The following SMTN variants were observed in gnomAD, a reference collection of about 807,000 sequenced individuals.
SMTN encodes smoothelin.
Under a neutral mutation model 102.0 loss-of-function variants are expected in SMTN, and 58 were observed. The ratio of observed to expected loss-of-function variants is 0.57; its 90% CI spans 0.46 to 0.71. The LOEUF (loss-of-function observed/expected upper bound fraction) is 0.71. Ranked by LOEUF, SMTN falls within the 30% of genes least tolerant of loss-of-function variation. The probability of loss-of-function intolerance (pLI) is 0.00; values close to 1 mark genes in which losing one functional copy is unlikely to be tolerated. For synonymous variants in SMTN, 478 were observed against 497.9 expected (o/e 0.96, Z 0.53); for missense variants, 1,185 against 1,241.7 (o/e 0.95, Z 0.69).
intron 17 of SMTN, 58 bp downstream of exon 17, chr22:31,098,898 CG>C: frequency 6.8e-7 from 1 of 1,478,966 alleles, no homozygotes; most frequent in East Asian, 2.4e-5. Context: ...CAGTGGGGGG[CG>C]GGGCTTGATA....
At chr22:31,065,764 A>G (rs2041834510) in intron 1 of SMTN, 1 of 151,846 alleles carries the variant, frequency 6.6e-6, no homozygotes, top group Non-Finnish European at 1.5e-5. Flanking sequence ...CAGAAAAAGC[A>G]CTGATCTAAG....
At chr22:31,090,087 C>T in intron 7 of SMTN, 21 bp from the exon 8 acceptor site, 1 of 1,611,414 alleles carries the variant, frequency 6.2e-7, no homozygotes, top group Non-Finnish European at 8.5e-7. Flanking sequence ...CTTGCTCAGG[C>T]CCTGTTCTTC....
intron 1 of SMTN, among the ~76,000 whole-genome samples, chr22:31,076,184 T>G (rs28461534): frequency 0.14 from 21,098 of 152,254 alleles, 3,039 homozygotes; most frequent in African/African-American, 0.37. Flanking sequence ...TCTGAGGTTG[T>G]TGCAGAGCAC....
Position 31,081,354 on chromosome 22 carries a change from A to T in SMTN, c.-183A>T, listed in dbSNP as rs1352939634. The T allele has an allele frequency of 6.6e-6, 1 of 152,150 alleles. No homozygotes were observed. The highest frequency in any genetic ancestry group is 1.5e-5 in the Non-Finnish European group (1 of 68,070). 9.4% of individuals were successfully genotyped at this position (152,150 alleles called of 1,614,324 possible). On this transcript the variant is annotated 5_prime_UTR_variant, in exon 1 of 21. Coordinates refer to ENST00000333137, the MANE Select transcript of SMTN (RefSeq NM_134269.3). ...GGGACGGTTGCTGAGCGGGCCTGGG[A>T]CAGCGGGTCGCGGCACCTCCGGCCT...
At chr22:31,066,400 C>A (rs1336027068) in intron 1 of SMTN, 1 of 152,046 alleles carries the variant, frequency 6.6e-6, no homozygotes, top group African/African-American at 2.4e-5. Context: ...CTCTACCTCC[C>A]AGATTCAAGC....
chr22:31,072,661 C>T (rs2042031952), intron 1 of SMTN, among the ~76,000 whole-genome samples: 1 of 152,156 alleles, frequency 6.6e-6, no homozygotes, highest in Admixed American at 6.5e-5. Flanking sequence ...AGGGTTTCAC[C>T]ATCTTGGCCA....
Position 31,104,391 on chromosome 22 carries a change from T to C in SMTN, c.*96T>C, listed in dbSNP as rs1310867357. Reference sequence around the variant, plus strand: ...TGGGCAAGAAGCCTGACCCCAAGTGTGTCTTCACCTATGTGCAGTCGCTCT... The same window carrying C: ...TGGGCAAGAAGCCTGACCCCAAGTGCGTCTTCACCTATGTGCAGTCGCTCT... On this transcript the variant is annotated 3_prime_UTR_variant, in exon 21 of 21. Transcript: ENST00000333137. 1.2e-6 allele frequency: 2 copies of C among 1,614,014 alleles called. No individual in the cohort carries two copies. Among genetic ancestry groups the C allele is most frequent in the Admixed American group, 1.7e-5 (1 of 60,010 alleles).
At chr22:31,078,100 G>GGAGA (rs2042174381), upstream of SMTN, among the ~76,000 whole-genome samples, 1 of 152,166 alleles carries the variant, frequency 6.6e-6, no homozygotes, top group Admixed American at 6.5e-5. Flanking sequence ...GCTGTCCTGG[G>GGAGA]GAGAGAGGCT....
In SMTN at chr22:31,089,717, C is replaced by G; in HGVS notation, c.490C>G (p.Gln164Glu). ...CTTACAGGTGCCAGAGCGAGAGGAA[C>G]AGGAACAGCAGGCAGAGGTTTCAAA... is the stretch of plus-strand genomic sequence containing the variant. The part of the protein sequence containing the change: ...EQCEVPEREE[Q>E]EQQAEVSKPT... Residue 164 changes from glutamine to glutamate, a missense_variant, in exon 7 of 21, where the codon CAG (glutamine) becomes GAG (glutamate). By Grantham distance (29) the Gln-to-Glu change is conservative. Transcript: ENST00000333137. 6.2e-7 allele frequency: 1 copy of G among 1,602,576 alleles called. No individual in the cohort carries two copies. The highest frequency in any genetic ancestry group is 8.5e-7 in the Non-Finnish European group (1 of 1,178,376).
chr22:31,103,122 C>A (rs566393177), intron 20 of SMTN: 1 of 152,354 alleles, frequency 6.6e-6, no homozygotes, highest in African/African-American at 2.4e-5. Context: ...CAGGTTTCTT[C>A]TCTGAAGGAG....
intron 1 of SMTN, among the ~76,000 whole-genome samples, chr22:31,075,080 C>T (rs1470059996): frequency 5.9e-5 from 9 of 152,240 alleles, no homozygotes; most frequent in African/African-American, 2.2e-4. Context: ...ATGTCCCCAC[C>T]GTACTCAAGT....
intron 1 of SMTN, chr22:31,064,471 A>G (rs1187996819): frequency 6.6e-6 from 1 of 152,132 alleles, no homozygotes; most frequent in Non-Finnish European, 1.5e-5. Context: ...TTAAATATGA[A>G]TGTCTCACTT....
intron 19 of SMTN, 58 bp from the exon 20 acceptor site, chr22:31,100,827 G>A (rs1157736851): frequency 9.0e-6 from 5 of 555,782 alleles, no homozygotes; most frequent in African/African-American, 3.9e-5. Flanking sequence ...TTCCCCACCC[G>A]GGGCCCTGGC....
intron 18 of SMTN, 166 bp downstream of exon 18, chr22:31,099,345 C>T: frequency 6.6e-6 from 4 of 605,024 alleles, no homozygotes; most frequent in Non-Finnish European, 1.2e-5. Context: ...AAAGAGGACA[C>T]AAGGCAAGCC....
intron 1 of SMTN, chr22:31,082,702 C>G (rs1044360601): frequency 9.2e-6 from 6 of 650,218 alleles, no homozygotes; most frequent in Non-Finnish European, 1.7e-5. Flanking sequence ...GGGGGAATGA[C>G]AGTGGTGGTG....
At chr22:31,081,610 T>C (rs1295382074) in intron 1 of SMTN, among the ~76,000 whole-genome samples, 154 bp downstream of exon 1, 2 of 152,088 alleles carry the variant, frequency 1.3e-5, no homozygotes. Context: ...ATGAGACTGT[T>C]GGGGGAAGAC....
intron 1 of SMTN, chr22:31,082,771 G>A: frequency 8.0e-7 from 1 of 1,252,818 alleles, no homozygotes; most frequent in Admixed American, 2.6e-5. Context: ...AGTGGGTGGG[G>A]GCTGGGTAGG....
intron 20 of SMTN, chr22:31,103,531 C>T (rs1258119408): frequency 1.3e-5 from 2 of 152,320 alleles, no homozygotes; most frequent in East Asian, 1.9e-4. Context: ...CTTACTAAGC[C>T]ATGGGGCTTG....
Position 31,104,582 on chromosome 22 carries a change from A to G in SMTN, c.*287A>G. On this transcript the variant is annotated 3_prime_UTR_variant, in exon 21 of 21. Coordinates refer to ENST00000333137, the MANE Select transcript of SMTN (RefSeq NM_134269.3). ...TGTCTGTTGCGACACCCTCCCCCCCACATACACACGCAGCGTTTTGATAAA... is the reference window on the plus strand; with the variant it reads ...TGTCTGTTGCGACACCCTCCCCCCCGCATACACACGCAGCGTTTTGATAAA... 1 of 976,130 alleles carries G rather than the reference A, an allele frequency of 1.0e-6. No homozygotes were observed. The highest frequency in any genetic ancestry group is 1.4e-5 in the South Asian group (1 of 70,562). The allele number at this position is 976,130 out of a possible 1,614,324, so 60.5% of individuals were successfully genotyped here.
Sources: gnomAD v4.1 joint callset for allele counts (sites outside exome capture counted in the v4.1 genomes callset) on GRCh38, gnomAD v4.1.1 for gene constraint, MANE v1.5 for transcripts, NCBI Gene and HGNC (gene_info 2026-07-23, HGNC 2026-07-21) for gene names.